Variants in GPM6A observed in about 807,000 individuals in gnomAD.
GPM6A encodes the protein glycoprotein M6A.
A neutral mutation model predicts 32.1 loss-of-function variants in GPM6A; 7 were observed. The observed-to-expected ratio is 0.22, with a 90% CI of 0.12 to 0.41. GPM6A has a LOEUF of 0.41. Among genes scored for constraint, GPM6A ranks in the 10% least tolerant of loss-of-function variants. GPM6A has a pLI of 1.00. For missense variants in GPM6A, 235 were observed against 347.2 expected, an observed-to-expected ratio of 0.68 and a Z score of 2.57; for synonymous variants, 130 against 123.4, an observed-to-expected ratio of 1.05 and a Z score of -0.35.
intron 1 of GPM6A, among the ~76,000 whole-genome samples, chr4:175,810,175 TCA>T (rs1376252684): frequency 3.3e-5 from 5 of 152,316 alleles, no homozygotes; most frequent in South Asian, 2.1e-4. Context: ...TCCAGTAATT[TCA>T]CAGTTACAAC....
At chr4:175,635,223 C>A (rs924800188) in intron 6 of GPM6A, among the ~76,000 whole-genome samples, 166 bp from the exon 7 acceptor site, 2 of 152,092 alleles carry the variant, frequency 1.3e-5, no homozygotes, top group Non-Finnish European at 2.9e-5. Context: ...AATATATTTT[C>A]ATTCCTCCAA....
intron 1 of GPM6A, among the ~76,000 whole-genome samples, chr4:175,779,575 A>C (rs551605309): frequency 6.6e-6 from 1 of 152,194 alleles, no homozygotes; most frequent in Non-Finnish European, 1.5e-5. Context: ...ATGGCTCTCA[A>C]GAATATGTTC....
chr4:175,961,271 A>G (rs1740154987), intron 1 of GPM6A: 1 of 152,246 alleles, frequency 6.6e-6, no homozygotes, highest in African/African-American at 2.4e-5. Context: ...TGTTCATTCA[A>G]CAAAAATCAA....
Position 175,908,111 on chromosome 4 carries a change from A to T in GPM6A, c.-23+94198T>A, listed in dbSNP as rs865869812. Among the ~76,000 whole-genome samples, 3 of 152,216 alleles carry T rather than the reference A, an allele frequency of 2.0e-5. No homozygotes were observed. In the South Asian group the frequency reaches 6.2e-4, roughly 31 times the overall value. ...TATTAACGAATAACTATTTGGCCAT[A>T]GTTATCATGTTATATATAATATCAC... is the stretch of plus-strand genomic sequence containing the variant. On this transcript the variant is annotated intron_variant, in intron 1 of 7. Coordinates refer to the GPM6A transcript ENST00000280187.
chr4:175,677,688 T>C (rs1240963082), intron 2 of GPM6A, among the ~76,000 whole-genome samples: 1 of 152,126 alleles, frequency 6.6e-6, no homozygotes, highest in Admixed American at 6.5e-5. Context: ...TCATTCTGGT[T>C]CTAAAAATTT....
chr4:175,940,911 C>G (rs1739385383), intron 1 of GPM6A, among the ~76,000 whole-genome samples: 2 of 152,198 alleles, frequency 1.3e-5, no homozygotes, highest in Non-Finnish European at 2.9e-5. Flanking sequence ...CCAGGTATAT[C>G]TTCTTTAACT....
At chr4:175,679,452 A>T (rs1743560417) in intron 2 of GPM6A, among the ~76,000 whole-genome samples, 1 of 152,058 alleles carries the variant, frequency 6.6e-6, no homozygotes, top group Admixed American at 6.6e-5. Flanking sequence ...ACTGTGTACT[A>T]CTTCTCTTCC....
chr4:175,810,213 C>T (rs1482755127), intron 1 of GPM6A, among the ~76,000 whole-genome samples: 4 of 152,074 alleles, frequency 2.6e-5, no homozygotes, highest in African/African-American at 4.8e-5. Context: ...CAGAGCATTT[C>T]GATTCAAATG....
At chr4:175,745,812 G>A (rs751651159) in intron 1 of GPM6A, among the ~76,000 whole-genome samples, 15 of 152,126 alleles carry the variant, frequency 9.9e-5, no homozygotes, top group Non-Finnish European at 2.2e-4. Flanking sequence ...GTTATCTGAG[G>A]CTGGAGAAGG....
At chr4:175,644,121 G>GTTTTTTTTTT (rs781755092) in intron 4 of GPM6A, among the ~76,000 whole-genome samples, 1 of 110,378 alleles carries the variant, frequency 9.1e-6, no homozygotes, top group African/African-American at 3.4e-5. Flanking sequence ...TTTTCCGTTT[G>GTTTTTTTTTT]TTTTTTTTTT....
At chr4:175,661,261 C>T (rs1021293068) in intron 3 of GPM6A, among the ~76,000 whole-genome samples, 9 of 151,872 alleles carry the variant, frequency 5.9e-5, no homozygotes, top group Non-Finnish European at 1.3e-4. Context: ...TGGCGAAACC[C>T]CGTCTCTACT....
chr4:175,943,964 C>T (rs1739506524), intron 1 of GPM6A, among the ~76,000 whole-genome samples: 1 of 152,100 alleles, frequency 6.6e-6, no homozygotes, highest in African/African-American at 2.4e-5. Context: ...GGTACCAGCT[C>T]CTCTTTGTAC....
chr4:175,737,820 C>T (rs1311890842), intron 1 of GPM6A, among the ~76,000 whole-genome samples: 1 of 152,082 alleles, frequency 6.6e-6, no homozygotes, highest in African/African-American at 2.4e-5. Flanking sequence ...TTTAAACAAC[C>T]AACTCTTGTA....
chr4:175,914,740 G>C (rs192286501), intron 1 of GPM6A, among the ~76,000 whole-genome samples: 1,641 of 106,172 alleles, frequency 0.015, 33 homozygotes, highest in African/African-American at 0.064. Context: ...GTCAGAGCGA[G>C]GGGGGGCCAC....
At chr4:175,665,037 A>T (rs1197160126) in intron 3 of GPM6A, among the ~76,000 whole-genome samples, 1 of 152,188 alleles carries the variant, frequency 6.6e-6, no homozygotes, top group African/African-American at 2.4e-5. Flanking sequence ...CCATAGAAAA[A>T]GTACAGTAAA....
chr4:175,954,550 C>T (rs1381617961), intron 1 of GPM6A, among the ~76,000 whole-genome samples: 1 of 152,178 alleles, frequency 6.6e-6, no homozygotes, highest in Non-Finnish European at 1.5e-5. Flanking sequence ...TTTTGTCTAT[C>T]ATTTTTCCAC....
chr4:175,884,330 C>T (rs1302429685), intron 1 of GPM6A, among the ~76,000 whole-genome samples: 1 of 152,180 alleles, frequency 6.6e-6, no homozygotes, highest in Non-Finnish European at 1.5e-5. Flanking sequence ...ACATCATTTA[C>T]ACATATATTC....
intron 1 of GPM6A, among the ~76,000 whole-genome samples, chr4:175,733,250 T>G (rs775241819): frequency 1.4e-4 from 21 of 152,192 alleles, no homozygotes; most frequent in Non-Finnish European, 2.9e-4. Context: ...ACGCCTGTAA[T>G]CCCAGCACTT....
intron 1 of GPM6A, among the ~76,000 whole-genome samples, chr4:175,888,740 G>T (rs2111471166): frequency 6.6e-6 from 1 of 152,166 alleles, no homozygotes; most frequent in South Asian, 2.1e-4. Flanking sequence ...AAATTTCAAT[G>T]CTTAAAGGTA....
Sources: gnomAD v4.1 joint callset for allele counts (sites outside exome capture counted in the v4.1 genomes callset) on GRCh38, gnomAD v4.1.1 for gene constraint, MANE v1.5 for transcripts, NCBI Gene and HGNC (gene_info 2026-07-23, HGNC 2026-07-21) for gene names.